CPSF1: variants seen among roughly 807,000 people sequenced by gnomAD.
CPSF1 encodes cleavage and polyadenylation specific factor 1.
Under a neutral mutation model 175.8 loss-of-function variants are expected in CPSF1, and 106 were observed. The observed-to-expected ratio is 0.60, with a 90% CI of 0.52 to 0.71. The LOEUF is 0.71. Among genes scored for constraint, CPSF1 ranks in the 30% least tolerant of loss-of-function variants. CPSF1 has a pLI of 0.00. For missense variants in CPSF1, 1,734 were observed against 2,022.9 expected, an observed-to-expected ratio of 0.86 and a Z score of 2.74; for synonymous variants, 1,024 against 858.3, an observed-to-expected ratio of 1.19 and a Z score of -3.37.
intron 2 of CPSF1, among the ~76,000 whole-genome samples, chr8:144,406,395 G>C (rs536723760): frequency 6.6e-6 from 1 of 152,112 alleles, no homozygotes; most frequent in Non-Finnish European, 1.5e-5. Flanking sequence ...ACCCAGTGTC[G>C]AGTCCCTCCC....
At chr8:144,400,135 G>GGGGGGGGGCCCCCCCCCCCCCCCC in intron 9 of CPSF1, 31 bp downstream of exon 9, 1 of 895,998 alleles carries the variant, frequency 1.1e-6, no homozygotes. Context: ...CCGTCCCCGG[G>GGGGGGGGGCCCCCCCCCCCCCCCC]CCCCCCCCGC....
At chr8:144,393,402 G>C (rs1554861983) in intron 37 of CPSF1, 37 bp from the exon 38 acceptor site, 1 of 1,330,096 alleles carries the variant, frequency 7.5e-7, no homozygotes, top group African/African-American at 1.5e-5. Flanking sequence ...TGGGTGGGTG[G>C]GGATGCACAC....
intron 23 of CPSF1, 90 bp downstream of exon 23, chr8:144,397,117 G>A: frequency 7.8e-7 from 1 of 1,288,072 alleles, no homozygotes; most frequent in Non-Finnish European, 1.1e-6. Context: ...GGGGGAGATG[G>A]GGTGGAGCCA....
chr8:144,396,865 C>G lies in CPSF1; in HGVS notation c.2657G>C (p.Gly886Ala). ...CTTCTTAAAGCGGACTTTGAGATTG[C>G]CCTGGCCGAGCTGAGAGTCGTGGGG... The part of the protein sequence containing the change: ...AFPHDSQLGQ[G>A]NLKVRFKKVP... Residue 886 changes from glycine to alanine, a missense_variant, in exon 24 of 38, where the codon GGC becomes GCC. Gly to Ala is a moderately conservative substitution (Grantham distance 60, BLOSUM62 0). Around this residue, in one of 10 missense-constraint regions of CPSF1, gnomAD observed 585 missense variants for 584.7 expected, o/e 1.00. Coordinates refer to ENST00000616140, the MANE Select transcript of CPSF1 (RefSeq NM_013291.3). The G allele has an allele frequency of 6.2e-7, 1 of 1,613,982 alleles. No individual in the cohort carries two copies. Among genetic ancestry groups the G allele is most frequent in the Non-Finnish European group, 8.5e-7 (1 of 1,179,940 alleles).
rs1554863437 is a variant in CPSF1 at position 144,395,512 on chromosome 8, A to G, written c.3019T>C (p.Tyr1007His). ...RISVLPAYLSYDAPWPVRKIP... is the reference protein window; with the variant it reads ...RISVLPAYLSHDAPWPVRKIP... Reference sequence around the variant, plus strand: ...TTCCTGACAGGCCATGGGGCATCATAGGACAGGTAGGCAGGCAGGACACTG... The same window carrying G: ...TTCCTGACAGGCCATGGGGCATCATGGGACAGGTAGGCAGGCAGGACACTG... Residue 1007 changes from tyrosine (Y) to histidine (H), a missense_variant, in exon 27 of 38, where the codon TAT becomes CAT. Around this residue, in one of 10 missense-constraint regions of CPSF1, gnomAD observed 585 missense variants for 584.7 expected, o/e 1.00. Coordinates refer to ENST00000616140, the MANE Select transcript of CPSF1 (RefSeq NM_013291.3). The G allele has an allele frequency of 7.0e-7, 1 of 1,422,694 alleles. No homozygotes were observed. The highest frequency in any genetic ancestry group is 9.4e-7 in the Non-Finnish European group (1 of 1,060,408). The allele number at this position is 1,422,694 out of a possible 1,614,324, so 88.1% of individuals were successfully genotyped here. A position where few individuals can be genotyped will look rare whatever the true frequency, so the allele number is the denominator to read the frequency against.
At position 144,393,447 on chromosome 8, in the gene CPSF1, C is replaced by T. The variant is rs1554862023; in HGVS notation, c.4284+5G>A. On this transcript the variant is annotated splice_donor_5th_base_variant and intron_variant, in intron 37 of 37. Transcript: ENST00000616140. ...GGGCGCGCGGGGGGCGGGGCGCGCA[C>T]TCACTATGTCTGGTGTGGTGCCGAT... 1.9e-6 allele frequency: 3 copies of T among 1,548,382 alleles called. No individual in the cohort carries two copies. The highest frequency in any genetic ancestry group is 2.0e-5 in the Admixed American group (1 of 50,968).
chr8:144,403,115 G>C (rs1172357127), intron 2 of CPSF1, among the ~76,000 whole-genome samples: 1 of 136,138 alleles, frequency 7.3e-6, no homozygotes, highest in African/African-American at 2.8e-5. Flanking sequence ...TTTTTTTTTT[G>C]AGATGGAGTC....
Position 144,394,807 on chromosome 8 carries a change from T to G in CPSF1, c.3415-11A>C, listed in dbSNP as rs782281997. 1.2e-6 allele frequency: 2 copies of G among 1,613,300 alleles called. No individual in the cohort carries two copies. Among genetic ancestry groups the G allele is most frequent in the African/African-American group, 1.3e-5 (1 of 74,912 alleles). ...ATCCATGATCAAGATCTGGAGGGCA[T>G]GGGTATGGCTGTGGGATGGCTGTGG... On this transcript the variant is annotated splice_polypyrimidine_tract_variant and intron_variant, in intron 30 of 37. Transcript: ENST00000616140.
At position 144,400,913 on chromosome 8, in the gene CPSF1, C is replaced by G. The variant is rs2116879638; in HGVS notation, c.539+11G>C. 7.5e-6 allele frequency: 12 copies of G among 1,602,548 alleles called. No individual in the cohort carries two copies. The highest frequency in any genetic ancestry group is 1.7e-4 in the Middle Eastern group (1 of 6,042). On this transcript the variant is annotated intron_variant, in intron 6 of 37. Transcript: ENST00000616140. Reference sequence around the variant, plus strand: ...ACCCCAGCACCACAGCCTGCCTCAGCTGGCACTCACCCCTCACCCACGAGC... The same window carrying G: ...ACCCCAGCACCACAGCCTGCCTCAGGTGGCACTCACCCCTCACCCACGAGC...
In CPSF1 at chr8:144,399,750, G is replaced by C. The variant is rs1216328268; in HGVS notation, c.1119+31C>G. 3 of 1,595,140 alleles carry C rather than the reference G, an allele frequency of 1.9e-6. No individual in the cohort carries two copies. The highest frequency in any genetic ancestry group is 4.6e-5 in the East Asian group (2 of 43,880). On this transcript the variant is annotated intron_variant, in intron 11 of 37. Coordinates refer to ENST00000616140, the MANE Select transcript of CPSF1 (RefSeq NM_013291.3). The surrounding 1 kb of genome is among the most constrained non-coding windows in gnomAD (Gnocchi z 6.4). The stretch of plus-strand genomic sequence containing the variant: ...GTGTGTGATGGCTGGGCCGGGTCTG[G>C]ACCCAGACCCAACCCCTAGTCCCAA...
chr8:144,406,488 C>T (rs1554869120), intron 2 of CPSF1, among the ~76,000 whole-genome samples: 2 of 152,226 alleles, frequency 1.3e-5, no homozygotes, highest in African/African-American at 4.8e-5. Flanking sequence ...CTTTCATGGC[C>T]TCTCATCTCC....
chr8:144,402,084 G>A (rs1554867452), intron 2 of CPSF1, among the ~76,000 whole-genome samples: 1 of 152,214 alleles, frequency 6.6e-6, no homozygotes, highest in African/African-American at 2.4e-5. Flanking sequence ...GGTATCTGTA[G>A]CTACTGATCT....
At chr8:144,396,543 C>G in intron 25 of CPSF1, 43 bp from the exon 26 acceptor site, 1 of 1,607,994 alleles carries the variant, frequency 6.2e-7, no homozygotes, top group Non-Finnish European at 8.5e-7. Flanking sequence ...GAGGATGCTG[C>G]GGATGAGGCC....
intron 2 of CPSF1, among the ~76,000 whole-genome samples, chr8:144,405,497 G>A (rs2116902230): frequency 2.0e-5 from 3 of 152,230 alleles, no homozygotes; most frequent in South Asian, 2.1e-4. Context: ...GGTGGCAGGC[G>A]CCTGTAATCC....
At position 144,401,652 on chromosome 8, in the gene CPSF1, T is replaced by C. The variant is rs1821216119; in HGVS notation, c.166A>G (p.Ser56Gly). ...GCCGCCCCACCACACTCACCTGTGC[T>C]CCTGTCATTCTTGGTCAGAGCCTGG... ...DAEALTKNDR[S>G]TEGKAHREKL... is the part of the protein sequence containing the mutation. The change falls in exon 3 of 38, where the codon AGC becomes GGC. Residue 56 changes from serine (S) to glycine (G), a missense_variant. Ser to Gly is a moderately conservative substitution (Grantham distance 56, BLOSUM62 0). Coordinates refer to ENST00000616140, the MANE Select transcript of CPSF1 (RefSeq NM_013291.3). The C allele has an allele frequency of 6.2e-7, 1 of 1,610,560 alleles. No individual in the cohort carries two copies. Among genetic ancestry groups the C allele is most frequent in the Non-Finnish European group, 8.5e-7 (1 of 1,178,628 alleles).
Position 144,394,979 on chromosome 8 carries a change from A to G in CPSF1, c.3317T>C (p.Val1106Ala). 2 of 1,612,786 alleles carry G rather than the reference A, an allele frequency of 1.2e-6. No individual in the cohort carries two copies. The highest frequency in any genetic ancestry group is 2.2e-5 in the East Asian group (1 of 44,880). ...CACGGTCTCCTCACTGCGCAGAGAC[A>G]CTGTCTTCATGCAGGTCACATGCTC... ...EWEHVTCMKT[V>A]SLRSEETVSG... Residue 1106 changes from valine to alanine, a missense_variant, in exon 30 of 38, where the codon GTG becomes GCG. Val to Ala is a moderately conservative substitution (Grantham distance 64). Around this residue, in one of 10 missense-constraint regions of CPSF1, gnomAD observed 585 missense variants for 584.7 expected, o/e 1.00. Coordinates refer to ENST00000616140, the MANE Select transcript of CPSF1 (RefSeq NM_013291.3).
chr8:144,395,616 GGCC>G lies in CPSF1; in HGVS notation c.2980-68_2980-66del, dbSNP rs1423653016. 25 of 1,396,546 alleles carry G rather than the reference GGCC, an allele frequency of 1.8e-5. No homozygotes were observed. In the South Asian group the frequency reaches 1.9e-4, roughly 10 times the overall value. 86.5% of individuals were successfully genotyped at this position (1,396,546 alleles called of 1,614,324 possible). A position where few individuals can be genotyped will look rare whatever the true frequency, so the allele number is the denominator to read the frequency against. On this transcript the variant is annotated intron_variant, in intron 26 of 37. Transcript: ENST00000616140. ...CCAAGGGCAGGGGCAGGCAGGCCCA[GGCC>G]GCCAAGAGCCCTGGGATGTTGCCCT...
chr8:144,402,589 G>A (rs1821280493), intron 2 of CPSF1, among the ~76,000 whole-genome samples: 3 of 152,198 alleles, frequency 2.0e-5, no homozygotes. Context: ...ACAGGCGTGA[G>A]CCACCTCAAG....
In CPSF1 at chr8:144,401,512, A is replaced by AAGAAGG. The variant is rs2116885168; in HGVS notation, c.218_223dup (p.Ser73_Phe74dup). On this transcript the variant is annotated inframe_insertion, in exon 4 of 38. Coordinates refer to ENST00000616140, the MANE Select transcript of CPSF1 (RefSeq NM_013291.3). ...GCTGGCCATGGACATGACGTTGCCA[A>AAGAAGG]AGAAGGAGAAGGAGGCAGCAAGCTC... 6.2e-7 allele frequency: 1 copy of AAGAAGG among 1,614,006 alleles called. No homozygotes were observed. The highest frequency in any genetic ancestry group is 8.5e-7 in the Non-Finnish European group (1 of 1,179,996).
Sources: allele counts gnomAD v4.1 joint callset (sites outside exome capture counted in the v4.1 genomes callset), GRCh38; gene constraint gnomAD v4.1.1; regional missense constraint gnomAD v4.1.1; non-coding constraint Gnocchi (gnomAD v3.1); transcripts MANE v1.5; gene names NCBI Gene and HGNC (gene_info 2026-07-23, HGNC 2026-07-21).